Variants in PTPRF observed in about 807,000 individuals in gnomAD.
PTPRF encodes the protein receptor-type tyrosine-protein phosphatase F.
Under a neutral mutation model 201.8 loss-of-function variants are expected in PTPRF, and 59 were observed. That is an observed-to-expected ratio of 0.29 (90% confidence interval 0.24 to 0.36). The LOEUF (loss-of-function observed/expected upper bound fraction) is 0.36, where lower values mean the gene tolerates loss of function less well. PTPRF is among the 10% of genes least tolerant of loss of function. PTPRF has a pLI of 1.00. For synonymous variants in PTPRF, 1,088 were observed against 1,089.7 expected, an observed-to-expected ratio of 1.00 and a Z score of 0.03; for missense variants, 2,132 against 2,690.5, an observed-to-expected ratio of 0.79 and a Z score of 4.59.
intron 6 of PTPRF, among the ~76,000 whole-genome samples, chr1:43,572,118 C>A (rs1240064176): frequency 1.3e-5 from 2 of 152,244 alleles, no homozygotes; most frequent in East Asian, 3.9e-4. Context: ...AACCTCCACC[C>A]TGCTCAGCCT....
rs1408255151 is a variant in PTPRF at position 43,619,510 on chromosome 1, C to T, written c.4869C>T (p.His1623=). 6 of 1,614,044 alleles carry T rather than the reference C, an allele frequency of 3.7e-6. No individual in the cohort carries two copies. Among genetic ancestry groups the T allele is most frequent in the Non-Finnish European group, 4.2e-6 (5 of 1,180,036 alleles). Residue 1623 remains histidine, a synonymous_variant, in exon 28 of 34, where the codon CAC becomes CAT. Coordinates refer to ENST00000359947, the MANE Select transcript of PTPRF (RefSeq NM_002840.5). ...TGCCTGCCCGCAACCTGTATGCCCACATCCAGAAGCTGGGCCAAGTGCCTC... is the reference window on the plus strand; with the variant it reads ...TGCCTGCCCGCAACCTGTATGCCCATATCCAGAAGCTGGGCCAAGTGCCTC... The part of the protein sequence containing the change: ...TEVPARNLYA[H]IQKLGQVPPG...
At chr1:43,527,325 T>C, upstream of PTPRF, among the ~76,000 whole-genome samples, 1 of 152,228 alleles carries the variant, frequency 6.6e-6, no homozygotes, top group Non-Finnish European at 1.5e-5. Context: ...TGCTCACAGT[T>C]TGGCAAACTG....
chr1:43,568,939 C>G (rs1015986364), intron 5 of PTPRF, among the ~76,000 whole-genome samples: 1 of 152,194 alleles, frequency 6.6e-6, no homozygotes, highest in African/African-American at 2.4e-5. Flanking sequence ...GACCGTGACT[C>G]CCAGGGTCAG....
At chr1:43,557,683 C>T (rs535488370) in intron 5 of PTPRF, among the ~76,000 whole-genome samples, 42 of 150,856 alleles carry the variant, frequency 2.8e-4, no homozygotes, top group African/African-American at 9.5e-4. Context: ...TTTGGTTTCT[C>T]TACCAGGGGC....
chr1:43,532,995 A>C (rs150073185), intron 1 of PTPRF, among the ~76,000 whole-genome samples: 2 of 152,212 alleles, frequency 1.3e-5, no homozygotes, highest in African/African-American at 4.8e-5. Flanking sequence ...ATACCTGTGC[A>C]CATGCACAGT....
At chr1:43,539,787 T>G (rs1232427474) in intron 2 of PTPRF, among the ~76,000 whole-genome samples, 4 of 152,092 alleles carry the variant, frequency 2.6e-5, no homozygotes, top group Non-Finnish European at 5.9e-5. Context: ...CCCTCTGTCC[T>G]CTCGGGAGGC....
chr1:43,599,011 C>T (rs1653083184), intron 13 of PTPRF, 98 bp downstream of exon 13: 2 of 1,314,490 alleles, frequency 1.5e-6, no homozygotes, highest in East Asian at 4.8e-5. Context: ...CCCCTGCCTG[C>T]CCTCAGCAGT....
intron 19 of PTPRF, 47 bp from the exon 20 acceptor site, chr1:43,606,193 C>T (rs200190159): frequency 2.2e-5 from 35 of 1,567,018 alleles, no homozygotes; most frequent in East Asian, 2.0e-4. Context: ...CAGGGCTGGC[C>T]GGCATGCTCC....
In PTPRF at chr1:43,601,932, G is replaced by A. The variant is rs186689071; in HGVS notation, c.2314-139G>A. The A allele has an allele frequency of 1.2e-4, 106 of 904,446 alleles. No homozygotes were observed. The East Asian group carries it at 2.7e-3, about 23-fold the overall frequency. The allele number at this position is 904,446 out of a possible 1,614,324, so 56.0% of individuals were successfully genotyped here. ...TCTTTGAACCGGGAGTTGTTCTGGG[G>A]TGCTACCCCCATGGGTACTTTGAGG... On this transcript the variant is annotated intron_variant, in intron 13 of 33. Coordinates refer to ENST00000359947, the MANE Select transcript of PTPRF (RefSeq NM_002840.5).
intron 5 of PTPRF, among the ~76,000 whole-genome samples, chr1:43,565,875 C>T (rs1570027712): frequency 6.6e-6 from 1 of 152,238 alleles, no homozygotes; most frequent in Middle Eastern, 3.4e-3. Context: ...CGCAGCCCTT[C>T]CGCGGCAGCG....
chr1:43,550,331 C>A (rs1208677023), intron 3 of PTPRF, among the ~76,000 whole-genome samples: 5 of 152,222 alleles, frequency 3.3e-5, no homozygotes, highest in African/African-American at 1.2e-4. Flanking sequence ...CTCTCCGCTT[C>A]TTTGTTTGGA....
intron 22 of PTPRF, chr1:43,613,064 C>A: frequency 2.8e-6 from 1 of 356,100 alleles, no homozygotes; most frequent in South Asian, 2.2e-5. Flanking sequence ...GGCCTGACAC[C>A]CTTCCTTCTG....
chr1:43,548,123 G>A (rs572168918), intron 3 of PTPRF, among the ~76,000 whole-genome samples: 17 of 149,140 alleles, frequency 1.1e-4, no homozygotes, highest in Admixed American at 1.0e-3. Context: ...TGCTAATGGG[G>A]GGGTATTGCA....
chr1:43,597,268 A>T (rs576389817), intron 11 of PTPRF, among the ~76,000 whole-genome samples: 1 of 152,250 alleles, frequency 6.6e-6, no homozygotes, highest in South Asian at 2.1e-4. Context: ...ACACTATATG[A>T]CACTGTATAT....
chr1:43,543,312 C>T (rs1644465776), intron 2 of PTPRF, among the ~76,000 whole-genome samples: 1 of 152,262 alleles, frequency 6.6e-6, no homozygotes, highest in Admixed American at 6.5e-5. Flanking sequence ...CTCCATCCCA[C>T]TGTGGCCTTG....
At chr1:43,531,609 G>C (rs1255559894) in intron 1 of PTPRF, among the ~76,000 whole-genome samples, 1 of 149,504 alleles carries the variant, frequency 6.7e-6, no homozygotes, top group Non-Finnish European at 1.5e-5. Context: ...GCGCGCCCGG[G>C]TCTCGCTCGC....
chr1:43,540,784 G>A (rs1468708714), intron 2 of PTPRF, among the ~76,000 whole-genome samples: 1 of 152,212 alleles, frequency 6.6e-6, no homozygotes, highest in Non-Finnish European at 1.5e-5. Context: ...GGCTGGAGGA[G>A]GGAAGGCGGC....
At chr1:43,525,015 G>A (rs1221754944), upstream of PTPRF, among the ~76,000 whole-genome samples, 1 of 152,186 alleles carries the variant, frequency 6.6e-6, no homozygotes, top group Non-Finnish European at 1.5e-5. Flanking sequence ...GCCCTGTGAC[G>A]GCAGACAGGA....
At chr1:43,621,853 C>T (rs1232159975) in intron 33 of PTPRF, 82 bp from the exon 34 acceptor site, 3 of 1,409,798 alleles carry the variant, frequency 2.1e-6, no homozygotes, top group African/African-American at 1.4e-5. Flanking sequence ...AGGCTAACTC[C>T]ATGGCTGCAG....
Sources: gnomAD v4.1 joint callset for allele counts (sites outside exome capture counted in the v4.1 genomes callset) on GRCh38, gnomAD v4.1.1 for gene constraint, MANE v1.5 for transcripts, NCBI Gene and HGNC (gene_info 2026-07-23, HGNC 2026-07-21) for gene names.